Variants in JAK2 observed in about 807,000 individuals in gnomAD.
JAK2 encodes tyrosine-protein kinase JAK2.
A neutral mutation model predicts 139.3 loss-of-function variants in JAK2; 86 were observed. That is an observed-to-expected ratio of 0.62 (90% CI 0.52 to 0.74). JAK2 has a LOEUF of 0.74. JAK2 is among the 30% of genes least tolerant of loss of function. The pLI, the probability that JAK2 is intolerant of heterozygous loss-of-function variation, is 0.00. For synonymous variants in JAK2, 490 were observed against 437.7 expected (o/e 1.12, Z -1.49); for missense variants, 1,421 against 1,360.3 (o/e 1.04, Z -0.70).
chr9:5,010,506 A>G (rs1821628294), intron 2 of JAK2, among the ~76,000 whole-genome samples: 1 of 152,068 alleles, frequency 6.6e-6, no homozygotes, highest in Admixed American at 6.5e-5. Context: ...TTTTTAGTAC[A>G]GACAGGGTTT....
At chr9:5,069,801 A>G (rs1818825171) in intron 11 of JAK2, 124 bp from the exon 12 acceptor site, 15 of 476,692 alleles carry the variant, frequency 3.1e-5, no homozygotes, top group Non-Finnish European at 4.8e-5. Context: ...TATTATAAAA[A>G]AAGAACAATT....
At chr9:5,100,112 T>G (rs1821352505) in intron 22 of JAK2, 1 of 152,220 alleles carries the variant, frequency 6.6e-6, no homozygotes, top group African/African-American at 2.4e-5. Flanking sequence ...GCTATTAGTT[T>G]TCCCACAGCT....
At chr9:5,109,188 A>G (rs563481207) in intron 22 of JAK2, 1 of 152,308 alleles carries the variant, frequency 6.6e-6, no homozygotes, top group Admixed American at 6.5e-5. Context: ...ATATTACATT[A>G]ACAGTTAAAC....
chr9:5,032,308 C>A (rs998381497), intron 4 of JAK2, among the ~76,000 whole-genome samples: 21 of 152,374 alleles, frequency 1.4e-4, no homozygotes, highest in African/African-American at 4.8e-4. Flanking sequence ...CCTCTGTAGA[C>A]TCCACCTCTG....
chr9:5,082,587 G>T (rs190599017), intron 19 of JAK2, among the ~76,000 whole-genome samples: 1 of 152,222 alleles, frequency 6.6e-6, no homozygotes, highest in South Asian at 2.1e-4. Flanking sequence ...GACCCTTCAC[G>T]GATGTTGGGC....
intron 22 of JAK2, chr9:5,099,545 G>C (rs917903207): frequency 1.3e-5 from 2 of 151,886 alleles, no homozygotes; most frequent in Non-Finnish European, 2.9e-5. Flanking sequence ...AAAACACAAG[G>C]CTTCCTGAGA....
intron 4 of JAK2, among the ~76,000 whole-genome samples, chr9:5,040,022 C>T (rs1226606370): frequency 1.3e-5 from 2 of 152,048 alleles, no homozygotes; most frequent in Non-Finnish European, 2.9e-5. Context: ...TGAAACAATA[C>T]AAAGTTTGAA....
At chr9:4,997,987 C>A (rs1820680100) in intron 2 of JAK2, among the ~76,000 whole-genome samples, 1 of 151,874 alleles carries the variant, frequency 6.6e-6, no homozygotes. Context: ...CTGAAATATT[C>A]AGTGTTCTTC....
intron 4 of JAK2, among the ~76,000 whole-genome samples, chr9:5,038,350 C>T (rs1816227085): frequency 1.3e-5 from 2 of 152,010 alleles, no homozygotes; most frequent in African/African-American, 4.8e-5. Context: ...AATTCTATCA[C>T]ACATTAAAAA....
chr9:4,992,421 TG>T (rs1359980715), intron 2 of JAK2, among the ~76,000 whole-genome samples: 1 of 152,058 alleles, frequency 6.6e-6, no homozygotes, highest in Non-Finnish European at 1.5e-5. Flanking sequence ...GATGGGGGAG[TG>T]GCAAGTTCAC....
intron 8 of JAK2, among the ~76,000 whole-genome samples, chr9:5,056,521 A>C (rs1333791705): frequency 6.6e-6 from 1 of 151,964 alleles, no homozygotes; most frequent in African/African-American, 2.4e-5. Flanking sequence ...CTAACTTGCA[A>C]CTCACTTAAT....
At chr9:5,031,928 A>C (rs1259878456) in intron 4 of JAK2, among the ~76,000 whole-genome samples, 5 of 152,234 alleles carry the variant, frequency 3.3e-5, no homozygotes, top group Admixed American at 3.3e-4. Flanking sequence ...CAGTGGGTGC[A>C]GCACACTGAG....
intron 22 of JAK2, among the ~76,000 whole-genome samples, chr9:5,102,363 A>AT (rs1413428187): frequency 6.6e-6 from 1 of 152,192 alleles, no homozygotes; most frequent in African/African-American, 2.4e-5. Flanking sequence ...AAGCAACAAG[A>AT]TAAAGCCTAC....
At chr9:5,111,034 G>A (rs1041456199) in intron 22 of JAK2, 12 of 884,928 alleles carry the variant, frequency 1.4e-5, no homozygotes, top group African/African-American at 1.0e-4. Context: ...CTCCCTGGCC[G>A]GGGCGCAATT....
chr9:5,074,775 G>A (rs536837540), intron 14 of JAK2, among the ~76,000 whole-genome samples: 1 of 152,300 alleles, frequency 6.6e-6, no homozygotes, highest in Non-Finnish European at 1.5e-5. Context: ...AGCAGCAAAC[G>A]CTGATGTGGA....
intron 2 of JAK2, among the ~76,000 whole-genome samples, chr9:5,013,059 G>C (rs1821802957): frequency 6.6e-6 from 1 of 152,162 alleles, no homozygotes; most frequent in South Asian, 2.1e-4. Context: ...ACTGGATATA[G>C]GGGTGAAAAA....
intron 8 of JAK2, among the ~76,000 whole-genome samples, chr9:5,060,683 G>T (rs938049679): frequency 6.6e-6 from 1 of 152,130 alleles, no homozygotes; most frequent in South Asian, 2.1e-4. Flanking sequence ...ACCCCTCAAA[G>T]TCATCCATGA....
intron 23 of JAK2, among the ~76,000 whole-genome samples, chr9:5,123,712 C>G (rs1202932432): frequency 6.6e-6 from 1 of 151,758 alleles, no homozygotes; most frequent in Non-Finnish European, 1.5e-5. Flanking sequence ...ATTTAGGTCT[C>G]TGAGAAATCT....
chr9:5,002,873 A>G (rs1030386208), intron 2 of JAK2, among the ~76,000 whole-genome samples: 1 of 152,006 alleles, frequency 6.6e-6, no homozygotes, highest in African/African-American at 2.4e-5. Flanking sequence ...AAGAGGTCAC[A>G]TTGGTCTGTT....
Sources: allele counts gnomAD v4.1 joint callset (sites outside exome capture counted in the v4.1 genomes callset), GRCh38; gene constraint gnomAD v4.1.1; transcripts MANE v1.5; gene names NCBI Gene and HGNC (gene_info 2026-07-23, HGNC 2026-07-21).